PHLDB2: variants seen among roughly 807,000 people sequenced by gnomAD.
PHLDB2 encodes pleckstrin homology like domain family B member 2, also known as pleckstrin homology-like domain family B member 2.
Under a neutral mutation model 123.6 loss-of-function variants are expected in PHLDB2, and 71 were observed. The observed-to-expected ratio is 0.57, with a 90% CI of 0.47 to 0.70. PHLDB2 has a LOEUF of 0.70. PHLDB2 is among the 30% of genes least tolerant of loss of function. The pLI is 0.00. For synonymous variants in PHLDB2, 547 were observed against 541.6 expected, an observed-to-expected ratio of 1.01 and a Z score of -0.14; for missense variants, 1,446 against 1,519.5, an observed-to-expected ratio of 0.95 and a Z score of 0.80.
At chr3:111,920,526 A>G in intron 5 of PHLDB2, 107 bp downstream of exon 5, 4 of 1,366,534 alleles carry the variant, frequency 2.9e-6, no homozygotes, top group Non-Finnish European at 3.9e-6. Flanking sequence ...TTTGTGTGTC[A>G]TGTTCCTGGA....
chr3:111,853,528 T>A (rs2064350959), intron 2 of PHLDB2, among the ~76,000 whole-genome samples: 1 of 152,160 alleles, frequency 6.6e-6, no homozygotes, highest in African/African-American at 2.4e-5. Context: ...GTTCTTTTTG[T>A]GCTGTCTGTC....
At chr3:111,767,508 T>C (rs543548295) in intron 1 of PHLDB2, among the ~76,000 whole-genome samples, 6 of 152,350 alleles carry the variant, frequency 3.9e-5, no homozygotes, top group South Asian at 4.1e-4. Flanking sequence ...ATTCCTGCCA[T>C]GTAGGGTTCA....
chr3:111,845,836 A>G (rs531816644), exon 2 of PHLDB2: 108 of 1,614,128 alleles, frequency 6.7e-5, no homozygotes, highest in South Asian at 4.7e-4. Flanking sequence ...CACTGATCCC[A>G]GTTTATCCTT....
chr3:111,825,713 G>T (rs2062621439), intron 1 of PHLDB2, among the ~76,000 whole-genome samples: 1 of 152,220 alleles, frequency 6.6e-6, no homozygotes, highest in Non-Finnish European at 1.5e-5. Context: ...CTCCCAAAGT[G>T]CTGGGATTGC....
upstream of PHLDB2, among the ~76,000 whole-genome samples, chr3:111,854,271 G>A (rs907924889): frequency 8.5e-5 from 13 of 152,140 alleles, no homozygotes; most frequent in African/African-American, 2.9e-4. Flanking sequence ...TTGACACTTG[G>A]GGATTATGAG....
At chr3:111,859,184 G>A (rs989170891), upstream of PHLDB2, 11 of 985,000 alleles carry the variant, frequency 1.1e-5, no homozygotes, top group African/African-American at 1.7e-4. Context: ...TTCGCTGTCT[G>A]GTGAGGAAAT....
Position 111,873,020 on chromosome 3 carries a change from C to T in PHLDB2, c.-14-11044C>T, listed in dbSNP as rs534103013. Among the ~76,000 whole-genome samples the T allele has an allele frequency of 1.2e-4, 18 of 152,274 alleles. No homozygotes were observed. In the South Asian group the frequency reaches 1.4e-3, roughly 12 times the overall value. On this transcript the variant is annotated intron_variant, in intron 1 of 17. Transcript: ENST00000431670. The stretch of plus-strand genomic sequence containing the variant: ...AAAAGAAAAAATGGGGTATCAAACA[C>T]GAATATCCCTTTAAATTTTCTCTGG...
chr3:111,817,200 A>G (rs946245334), intron 1 of PHLDB2, among the ~76,000 whole-genome samples: 45 of 152,312 alleles, frequency 3.0e-4, no homozygotes, highest in African/African-American at 9.9e-4. Flanking sequence ...GCACCGAGCT[A>G]TTCATGAGGG....
intron 1 of PHLDB2, among the ~76,000 whole-genome samples, chr3:111,761,977 C>T (rs537768730): frequency 2.6e-5 from 4 of 152,210 alleles, no homozygotes; most frequent in African/African-American, 9.6e-5. Context: ...TGTATGTTCA[C>T]CTAAAAGGGG....
chr3:111,920,059 T>A (rs1478492658), intron 4 of PHLDB2, among the ~76,000 whole-genome samples: 1 of 152,208 alleles, frequency 6.6e-6, no homozygotes. Flanking sequence ...AGTTAAGTGA[T>A]AAGATAGCTA....
At position 111,748,672 on chromosome 3, in the gene PHLDB2, C is replaced by A. The variant is rs577198171; in HGVS notation, c.-49+15969C>A. ...AAATAGCTGGGATTACAGGCACACA[C>A]CACCATACCCGGCTAATTTTTGTAT... On this transcript the variant is annotated intron_variant, in intron 1 of 17. Transcript: ENST00000393923. 5.9e-5 allele frequency among the ~76,000 whole-genome samples: 9 copies of A among 152,196 alleles called. No individual in the cohort carries two copies. The South Asian group carries it at 1.9e-3, about 32-fold the overall frequency.
intron 1 of PHLDB2, among the ~76,000 whole-genome samples, chr3:111,829,673 A>G (rs927260302): frequency 2.1e-4 from 32 of 151,906 alleles, no homozygotes; most frequent in African/African-American, 7.7e-4. Flanking sequence ...CATGTTGGTC[A>G]GGGTGGTCTC....
chr3:111,794,256 C>A (rs1159204912), intron 1 of PHLDB2, among the ~76,000 whole-genome samples: 1 of 151,704 alleles, frequency 6.6e-6, no homozygotes, highest in Non-Finnish European at 1.5e-5. Context: ...CCCTGCTTTA[C>A]TTTCCACCGT....
intron 12 of PHLDB2, among the ~76,000 whole-genome samples, chr3:111,961,585 T>C (rs2071414618): frequency 6.6e-6 from 1 of 152,170 alleles, no homozygotes; most frequent in African/African-American, 2.4e-5. Context: ...AGTTTGGATC[T>C]TAACAAGATT....
At chr3:111,929,821 G>T (rs1173931595) in intron 5 of PHLDB2, among the ~76,000 whole-genome samples, 2 of 152,062 alleles carry the variant, frequency 1.3e-5, no homozygotes, top group East Asian at 3.9e-4. Context: ...TTCTAATGGT[G>T]CCTGCTTGCA....
At chr3:111,932,502 A>G (rs977966561) in intron 6 of PHLDB2, 105 bp downstream of exon 6, 11 of 1,223,492 alleles carry the variant, frequency 9.0e-6, no homozygotes, top group South Asian at 1.6e-5. Flanking sequence ...ATAAGTTTGC[A>G]TAAGTTCTAG....
At chr3:111,828,302 A>G (rs980616385) in intron 1 of PHLDB2, among the ~76,000 whole-genome samples, 1 of 152,118 alleles carries the variant, frequency 6.6e-6, no homozygotes, top group African/African-American at 2.4e-5. Context: ...CCCAGCCCCA[A>G]TATCCTCCTG....
intron 1 of PHLDB2, among the ~76,000 whole-genome samples, chr3:111,829,436 A>ATTTCTT (rs755899848): frequency 1.5e-5 from 2 of 137,456 alleles, no homozygotes; most frequent in Non-Finnish European, 3.1e-5. Context: ...AACATCTGAT[A>ATTTCTT]TTTCTTTTTC....
chr3:111,883,857 T>C (rs1178382373), intron 1 of PHLDB2: 9 of 513,290 alleles, frequency 1.8e-5, no homozygotes, highest in Non-Finnish European at 3.0e-5. Flanking sequence ...TATTTCTCTT[T>C]TGTACATAAG....
Sources: allele counts gnomAD v4.1 joint callset (sites outside exome capture counted in the v4.1 genomes callset), GRCh38; gene constraint gnomAD v4.1.1; transcripts MANE v1.5; gene names NCBI Gene and HGNC (gene_info 2026-07-23, HGNC 2026-07-21).